Variants in TNKS observed in about 807,000 individuals in gnomAD.
TNKS encodes the protein tankyrase.
A neutral mutation model predicts 135.8 loss-of-function variants in TNKS; 72 were observed. The observed-to-expected ratio is 0.53, with a 90% CI of 0.44 to 0.64. The LOEUF (loss-of-function observed/expected upper bound fraction) is 0.64. Ranked by LOEUF, TNKS falls within the 30% of genes least tolerant of loss-of-function variation. The pLI, the probability that TNKS is intolerant of heterozygous loss-of-function variation, is 0.00. For synonymous variants in TNKS, 849 were observed against 649.3 expected, an observed-to-expected ratio of 1.31 and a Z score of -4.68; for missense variants, 1,769 against 1,674.0, an observed-to-expected ratio of 1.06 and a Z score of -0.99.
At chr8:9,726,969 C>A (rs1377254781) in intron 13 of TNKS, among the ~76,000 whole-genome samples, 2 of 152,114 alleles carry the variant, frequency 1.3e-5, no homozygotes, top group African/African-American at 4.8e-5. Context: ...TACACACACA[C>A]ACATATACAT....
chr8:9,724,034 G>A (rs910977995), intron 12 of TNKS, among the ~76,000 whole-genome samples: 4 of 152,174 alleles, frequency 2.6e-5, no homozygotes, highest in African/African-American at 9.7e-5. Context: ...TATAAAAGAT[G>A]TTTTTAAAAA....
At chr8:9,590,204 C>T (rs1798539404) in intron 2 of TNKS, among the ~76,000 whole-genome samples, 1 of 152,190 alleles carries the variant, frequency 6.6e-6, no homozygotes, top group Non-Finnish European at 1.5e-5. Context: ...CTCCCGTCTA[C>T]ATCATGGACT....
At chr8:9,646,855 T>G (rs1292256534) in intron 3 of TNKS, among the ~76,000 whole-genome samples, 2 of 152,188 alleles carry the variant, frequency 1.3e-5, no homozygotes, top group Non-Finnish European at 2.9e-5. Flanking sequence ...CCTAATCCTT[T>G]TGTACTCTGG....
At chr8:9,660,617 C>T (rs902454422) in intron 3 of TNKS, among the ~76,000 whole-genome samples, 1 of 152,122 alleles carries the variant, frequency 6.6e-6, no homozygotes, top group African/African-American at 2.4e-5. Context: ...ATGACAAACC[C>T]ACAGCCAATA....
In TNKS at chr8:9,751,725, C is replaced by T. The variant is rs114570088; in HGVS notation, c.2949C>T (p.Pro983=). The change falls in exon 19 of 27, where the codon CCC becomes CCT. Residue 983 remains proline, a synonymous_variant. Coordinates refer to ENST00000310430, the MANE Select transcript of TNKS (RefSeq NM_003747.3). ...CTCTGATCTCACCAGCATCCACCCC[C>T]TCCTGCCTCTCGGCTGCCAGCAGCA... ...SASLISPAST[P]SCLSAASSID... is the part of the protein sequence containing the mutation. 3.0e-4 allele frequency: 490 copies of T among 1,614,246 alleles called. 2 individuals are homozygous for T. The African/African-American group carries it at 5.6e-3, about 18-fold the overall frequency.
intron 3 of TNKS, among the ~76,000 whole-genome samples, chr8:9,661,485 A>G (rs984612456): frequency 6.6e-6 from 1 of 152,118 alleles, no homozygotes; most frequent in Non-Finnish European, 1.5e-5. Context: ...CAATGGGGAA[A>G]GGATTCCCTA....
chr8:9,606,469 G>A (rs937522555), intron 2 of TNKS, among the ~76,000 whole-genome samples: 1 of 152,008 alleles, frequency 6.6e-6, no homozygotes, highest in Non-Finnish European at 1.5e-5. Context: ...GATTACTAGA[G>A]CTTTATGATA....
chr8:9,694,995 G>A (rs989392478), intron 5 of TNKS, among the ~76,000 whole-genome samples: 1 of 152,112 alleles, frequency 6.6e-6, no homozygotes, highest in Non-Finnish European at 1.5e-5. Context: ...CATTATCAGA[G>A]CAAGGAAACC....
chr8:9,776,498 G>A (rs775562627), intron 26 of TNKS, 152 bp from the exon 27 acceptor site: 44 of 628,844 alleles, frequency 7.0e-5, no homozygotes, highest in Non-Finnish European at 1.1e-4. Context: ...AGTTAAGTAG[G>A]TGAACCTCAA....
At position 9,777,716 on chromosome 8, in the gene TNKS, C is replaced by T. The variant is rs377704913; in HGVS notation, c.*980C>T. 1 of 152,218 alleles carries T rather than the reference C, an allele frequency of 6.6e-6. No homozygotes were observed. Among genetic ancestry groups the T allele is most frequent in the Non-Finnish European group, 1.5e-5 (1 of 68,046 alleles). The allele number at this position is 152,218 out of a possible 1,614,324, so 9.4% of individuals were successfully genotyped here. A position where few individuals can be genotyped will look rare whatever the true frequency, so the allele number is the denominator to read the frequency against. On this transcript the variant is annotated 3_prime_UTR_variant, in exon 27 of 27. Coordinates refer to ENST00000310430, the MANE Select transcript of TNKS (RefSeq NM_003747.3). ...ATGCCTCCAAAAAATACATGCTTCCCTTCCCTTAATCTGTACTGTTGGGAT... is the reference window on the plus strand; with the variant it reads ...ATGCCTCCAAAAAATACATGCTTCCTTTCCCTTAATCTGTACTGTTGGGAT...
chr8:9,673,578 G>A (rs1802403066), intron 3 of TNKS, among the ~76,000 whole-genome samples: 1 of 151,164 alleles, frequency 6.6e-6, no homozygotes, highest in Non-Finnish European at 1.5e-5. Flanking sequence ...CGAATAGATG[G>A]GATTACAGGC....
intron 2 of TNKS, among the ~76,000 whole-genome samples, chr8:9,600,803 A>G (rs1266990466): frequency 2.0e-5 from 3 of 152,212 alleles, no homozygotes; most frequent in Non-Finnish European, 2.9e-5. Context: ...AGACTTTCAT[A>G]TATGAAAGTA....
At chr8:9,710,772 T>C (rs1339617154) in intron 11 of TNKS, among the ~76,000 whole-genome samples, 1 of 152,086 alleles carries the variant, frequency 6.6e-6, no homozygotes, top group Non-Finnish European at 1.5e-5. Context: ...GGCGGGTGCC[T>C]GTAGTCCCAG....
intron 26 of TNKS, among the ~76,000 whole-genome samples, chr8:9,770,692 A>T (rs556762372): frequency 6.6e-6 from 1 of 152,368 alleles, no homozygotes; most frequent in South Asian, 2.1e-4. Flanking sequence ...CATAACTACA[A>T]TAAAAGAGAA....
At chr8:9,654,612 A>G (rs1297374062) in intron 3 of TNKS, among the ~76,000 whole-genome samples, 1 of 152,222 alleles carries the variant, frequency 6.6e-6, no homozygotes, top group Non-Finnish European at 1.5e-5. Flanking sequence ...TTTTCAAAAG[A>G]AAGTCTATGT....
Position 9,703,989 on chromosome 8 carries a change from G to T in TNKS, c.1108-674G>T, listed in dbSNP as rs1013015323. ...TCAAATTACAATGTGGCAGAAATTA[G>T]CTGGGAAGAAACTGTATTCCTCTCT... On this transcript the variant is annotated intron_variant, in intron 5 of 26. Transcript: ENST00000310430. Among the ~76,000 whole-genome samples the T allele has an allele frequency of 5.3e-5, 8 of 152,190 alleles. No homozygotes were observed. The East Asian group carries it at 1.5e-3, about 29-fold the overall frequency.
At chr8:9,584,131 T>C (rs1219960165) in intron 2 of TNKS, among the ~76,000 whole-genome samples, 2 of 133,988 alleles carry the variant, frequency 1.5e-5, no homozygotes, top group East Asian at 4.4e-4. Flanking sequence ...ACCACTGCAC[T>C]CCAGTCTGGG....
In TNKS at chr8:9,777,127, T is replaced by A. The variant is rs896375552; in HGVS notation, c.*391T>A. The A allele has an allele frequency of 6.0e-6, 1 of 166,492 alleles. No individual in the cohort carries two copies. Among genetic ancestry groups the A allele is most frequent in the Non-Finnish European group, 1.3e-5 (1 of 76,108 alleles). 10.3% of individuals were successfully genotyped at this position (166,492 alleles called of 1,614,324 possible). On this transcript the variant is annotated 3_prime_UTR_variant, in exon 27 of 27. Coordinates refer to ENST00000310430, the MANE Select transcript of TNKS (RefSeq NM_003747.3). Reference sequence around the variant, plus strand: ...GACGTGTCTATAACAAATATACACATACGACAGGCAACAAGCTTGTTTTTG... The same window carrying A: ...GACGTGTCTATAACAAATATACACAAACGACAGGCAACAAGCTTGTTTTTG...
chr8:9,605,817 G>T (rs995064228), intron 2 of TNKS, among the ~76,000 whole-genome samples: 1 of 151,952 alleles, frequency 6.6e-6, no homozygotes, highest in Non-Finnish European at 1.5e-5. Flanking sequence ...TTGATTTGTA[G>T]AAGTTCTTTC....
Sources: gnomAD v4.1 joint callset for allele counts (sites outside exome capture counted in the v4.1 genomes callset) on GRCh38, gnomAD v4.1.1 for gene constraint, MANE v1.5 for transcripts, NCBI Gene and HGNC (gene_info 2026-07-23, HGNC 2026-07-21) for gene names.